COL13A1: variants seen among roughly 807,000 people sequenced by gnomAD.
COL13A1 encodes collagen type XIII alpha 1 chain.
Under a neutral mutation model 130.9 loss-of-function variants are expected in COL13A1, and 89 were observed. The ratio of observed to expected loss-of-function variants is 0.68; its 90% CI spans 0.57 to 0.81. The LOEUF (loss-of-function observed/expected upper bound fraction) is 0.81. Ranked by LOEUF, COL13A1 falls within the 30% of genes least tolerant of loss-of-function variation. The pLI, the probability that COL13A1 is intolerant of heterozygous loss-of-function variation, is 0.00. For missense variants in COL13A1, 879 were observed against 934.6 expected (o/e 0.94, Z 0.78); for synonymous variants, 402 against 341.6 (o/e 1.18, Z -1.95).
intron 27 of COL13A1, among the ~76,000 whole-genome samples, chr10:69,928,387 G>A (rs569539620): frequency 7.2e-5 from 11 of 152,262 alleles, no homozygotes; most frequent in South Asian, 6.2e-4. Flanking sequence ...ACTGCTCTGC[G>A]TCACTTCTGT....
intron 7 of COL13A1, among the ~76,000 whole-genome samples, chr10:69,884,957 G>A (rs1270258577): frequency 6.6e-6 from 1 of 152,188 alleles, no homozygotes; most frequent in Non-Finnish European, 1.5e-5. Context: ...AATGACGCTG[G>A]GACAACCAAT....
intron 2 of COL13A1, among the ~76,000 whole-genome samples, chr10:69,867,344 C>T (rs2058625111): frequency 6.6e-6 from 1 of 152,246 alleles, no homozygotes; most frequent in Admixed American, 6.5e-5. Context: ...CCCGCCCCTG[C>T]CTGCCTGCTG....
intron 1 of COL13A1, among the ~76,000 whole-genome samples, chr10:69,808,838 C>T (rs1842258225): frequency 6.6e-6 from 1 of 152,228 alleles, no homozygotes; most frequent in African/African-American, 2.4e-5. Flanking sequence ...CTCGCAGCGT[C>T]CCCGGCCCTG....
chr10:69,925,344 G>T (rs1046167054), intron 25 of COL13A1, among the ~76,000 whole-genome samples: 1 of 152,180 alleles, frequency 6.6e-6, no homozygotes, highest in African/African-American at 2.4e-5. Flanking sequence ...CTACCTGTGG[G>T]GATATTTAAC....
intron 5 of COL13A1, among the ~76,000 whole-genome samples, chr10:69,875,492 T>G (rs1292337055): frequency 6.6e-6 from 1 of 152,184 alleles, no homozygotes; most frequent in Non-Finnish European, 1.5e-5. Flanking sequence ...TTGGGAGGAC[T>G]GCCACTCCGC....
chr10:69,954,787 C>T (rs868261276), intron 39 of COL13A1: 2 of 152,216 alleles, frequency 1.3e-5, no homozygotes, highest in African/African-American at 2.4e-5. Flanking sequence ...GATCAGATGG[C>T]TTCTTACTGA....
At chr10:69,868,333 G>A (rs903832929) in intron 3 of COL13A1, among the ~76,000 whole-genome samples, 1 of 152,154 alleles carries the variant, frequency 6.6e-6, no homozygotes, top group African/African-American at 2.4e-5. Flanking sequence ...GGTTATGTAA[G>A]AGAGAGCGGT....
At position 69,932,592 on chromosome 10, in the gene COL13A1, T is replaced by C. The variant is rs771014155; in HGVS notation, c.1716T>C (p.Asn572=). The stretch of plus-strand genomic sequence containing the variant: ...AAGGAGAAGCCGGGGAGAAGGGCAA[T>C]CCAGGAGCAGAGGTACATGAGAGAT... ...GEKGEAGEKG[N]PGAEVPGLPG... Residue 572 remains asparagine, a synonymous_variant, in exon 31 of 41, where the codon AAT becomes AAC. Coordinates refer to ENST00000645393, the MANE Select transcript of COL13A1 (RefSeq NM_001368882.1). 5 of 1,608,784 alleles carry C rather than the reference T, an allele frequency of 3.1e-6. No homozygotes were observed. The African/African-American group carries it at 6.7e-5, about 22-fold the overall frequency.
chr10:69,898,795 G>A (rs1266769538), intron 14 of COL13A1, 33 bp downstream of exon 14: 1 of 1,568,728 alleles, frequency 6.4e-7, no homozygotes, highest in East Asian at 2.3e-5. Flanking sequence ...GACCATGTGT[G>A]GTTTCCCAAG....
At chr10:69,936,158 A>G in intron 32 of COL13A1, among the ~76,000 whole-genome samples, 3 of 6,680 alleles carry the variant, frequency 4.5e-4, no homozygotes, top group Non-Finnish European at 1.4e-3. Flanking sequence ...GGAAGGAAGG[A>G]AGGAAGGAAG....
chr10:69,849,721 G>A (rs1250728256), intron 2 of COL13A1, among the ~76,000 whole-genome samples: 1 of 152,142 alleles, frequency 6.6e-6, no homozygotes, highest in African/African-American at 2.4e-5. Flanking sequence ...GCAGACCTCT[G>A]CTGTGATTCC....
In COL13A1 at chr10:69,924,016, T is replaced by G. The variant is rs117832553; in HGVS notation, c.1284+161T>G. ...GGTTGGCTTGGGCTTTAGAGAGCCA[T>G]GCACTGAGACAGCAGTCATGCAAAA... On this transcript the variant is annotated intron_variant, in intron 24 of 40. Coordinates refer to ENST00000645393, the MANE Select transcript of COL13A1 (RefSeq NM_001368882.1). 1.2e-3 allele frequency among the ~76,000 whole-genome samples: 184 copies of G among 152,288 alleles called. 2 individuals are homozygous for G. The East Asian group carries it at 0.031, about 26-fold the overall frequency.
chr10:69,940,426 G>T (rs1353705839), intron 34 of COL13A1, among the ~76,000 whole-genome samples: 2 of 152,188 alleles, frequency 1.3e-5, no homozygotes, highest in African/African-American at 2.4e-5. Flanking sequence ...CATTCCCCCA[G>T]GGTGAAGGAT....
intron 13 of COL13A1, among the ~76,000 whole-genome samples, chr10:69,898,070 C>T (rs2061829851): frequency 6.6e-6 from 1 of 152,222 alleles, no homozygotes; most frequent in Non-Finnish European, 1.5e-5. Flanking sequence ...ACGCTGGCCT[C>T]ACCCTCAGCC....
chr10:69,869,077 C>T (rs966989446), intron 3 of COL13A1, among the ~76,000 whole-genome samples: 1 of 152,096 alleles, frequency 6.6e-6, no homozygotes, highest in African/African-American at 2.4e-5. Context: ...ACCCCCAGGG[C>T]CAGGATGCCA....
rs769377059 is a variant in COL13A1 at position 69,930,107 on chromosome 10, G to A, written c.1530+20G>A. On this transcript the variant is annotated intron_variant, in intron 29 of 40. Transcript: ENST00000645393. ...GAAAAGGTATGAACAGACGTCCTCT[G>A]GTCAAACCTCTGAAGACAGTCTTGG... 27 of 1,613,140 alleles carry A rather than the reference G, an allele frequency of 1.7e-5. No homozygotes were observed. Among genetic ancestry groups the A allele is most frequent in the Non-Finnish European group, 2.2e-5 (26 of 1,179,370 alleles).
intron 38 of COL13A1, among the ~76,000 whole-genome samples, chr10:69,951,751 C>A (rs538170905): frequency 6.6e-6 from 1 of 152,284 alleles, no homozygotes; most frequent in East Asian, 1.9e-4. Flanking sequence ...CACAAAGTCA[C>A]GCAGCTAACT....
chr10:69,928,775 G>T (rs1343611280), intron 27 of COL13A1, among the ~76,000 whole-genome samples, 162 bp from the exon 28 acceptor site: 2 of 152,140 alleles, frequency 1.3e-5, no homozygotes, highest in Non-Finnish European at 2.9e-5. Flanking sequence ...TGCATTTTGG[G>T]TTCCCCATGT....
At chr10:69,815,386 G>A (rs555828543) in intron 1 of COL13A1, among the ~76,000 whole-genome samples, 7 of 152,152 alleles carry the variant, frequency 4.6e-5, no homozygotes, top group Non-Finnish European at 8.8e-5. Flanking sequence ...AGCTGCAACC[G>A]ATCAGGCGGG....
Sources: allele counts gnomAD v4.1 joint callset (sites outside exome capture counted in the v4.1 genomes callset), GRCh38; gene constraint gnomAD v4.1.1; transcripts MANE v1.5; gene names NCBI Gene and HGNC (gene_info 2026-07-23, HGNC 2026-07-21).